KCTD16: variants seen among roughly 807,000 people sequenced by gnomAD.
The protein encoded by KCTD16 is potassium channel tetramerization domain containing 16, also known as BTB/POZ domain-containing protein KCTD16.
Under a neutral mutation model 33.2 loss-of-function variants are expected in KCTD16, and 13 were observed. The observed-to-expected ratio is 0.39, with a 90% CI of 0.25 to 0.62. KCTD16 has a LOEUF of 0.62. Among genes scored for constraint, KCTD16 ranks in the 20% least tolerant of loss-of-function variants. The pLI, the probability that KCTD16 is intolerant of heterozygous loss-of-function variation, is 0.50. For synonymous variants in KCTD16, 197 were observed against 195.3 expected (o/e 1.01, Z -0.07); for missense variants, 441 against 525.1 (o/e 0.84, Z 1.57).
At chr5:144,272,384 T>C (rs911787189) in intron 3 of KCTD16, among the ~76,000 whole-genome samples, 1 of 151,950 alleles carries the variant, frequency 6.6e-6, no homozygotes, top group African/African-American at 2.4e-5. Context: ...GAGCTGAGGT[T>C]GCACCATTGG....
Position 144,404,478 on chromosome 5 carries a change from G to A in KCTD16, c.833-69182G>A, listed in dbSNP as rs566504835. The stretch of plus-strand genomic sequence containing the variant: ...ATATGACTTGGTTGATAAGTATCCT[G>A]GTGATGGAAAATATCCCTCAATCAT... On this transcript the variant is annotated intron_variant, in intron 3 of 3. Coordinates refer to ENST00000512467, the MANE Select transcript of KCTD16 (RefSeq NM_020768.4). 1.5e-3 allele frequency among the ~76,000 whole-genome samples: 225 copies of A among 152,208 alleles called. 1 individual carries two copies. The highest frequency in any genetic ancestry group is 5.1e-3 in the African/African-American group (210 of 41,520).
rs1443386563 is a variant in KCTD16 at position 144,482,814 on chromosome 5, G to A, written c.*8700G>A. The A allele has an allele frequency of 6.6e-6, 1 of 151,372 alleles. No homozygotes were observed. The highest frequency in any genetic ancestry group is 1.5e-5 in the Non-Finnish European group (1 of 67,808). 9.4% of individuals were successfully genotyped at this position (151,372 alleles called of 1,614,324 possible). A position where few individuals can be genotyped will look rare whatever the true frequency, so the allele number is the denominator to read the frequency against. On this transcript the variant is annotated 3_prime_UTR_variant, in exon 4 of 4. Coordinates refer to ENST00000512467, the MANE Select transcript of KCTD16 (RefSeq NM_020768.4). Reference sequence around the variant, plus strand: ...GTGTATATATAAATATATATCTATAGCTGTACATATGTATACACCCATAAA... The same window carrying A: ...GTGTATATATAAATATATATCTATAACTGTACATATGTATACACCCATAAA...
intron 3 of KCTD16, among the ~76,000 whole-genome samples, chr5:144,256,750 G>A (rs972006470): frequency 6.6e-6 from 1 of 151,960 alleles, no homozygotes; most frequent in African/African-American, 2.4e-5. Flanking sequence ...AAGTTTGGGA[G>A]CCATTCATCA....
At chr5:144,466,317 A>G (rs1425045037) in intron 3 of KCTD16, among the ~76,000 whole-genome samples, 23 of 151,220 alleles carry the variant, frequency 1.5e-4, no homozygotes, top group Non-Finnish European at 2.9e-5. Flanking sequence ...GCCCTGGTAG[A>G]ACTAAATAAT....
Position 144,462,920 on chromosome 5 carries a change from T to G in KCTD16, c.833-10740T>G, listed in dbSNP as rs1206407393. Among the ~76,000 whole-genome samples, 5 of 152,190 alleles carry G rather than the reference T, an allele frequency of 3.3e-5. No homozygotes were observed. In the East Asian group the frequency reaches 9.6e-4, roughly 29 times the overall value. Reference sequence around the variant, plus strand: ...GGGTGTTTTTCCCAATCAGAGGGAATCAAGCAATCTTGTGAGGTTATGCAT... The same window carrying G: ...GGGTGTTTTTCCCAATCAGAGGGAAGCAAGCAATCTTGTGAGGTTATGCAT... On this transcript the variant is annotated intron_variant, in intron 3 of 3. Transcript: ENST00000512467.
At chr5:144,385,054 T>A (rs1752294843) in intron 3 of KCTD16, among the ~76,000 whole-genome samples, 2 of 152,222 alleles carry the variant, frequency 1.3e-5, no homozygotes, top group Non-Finnish European at 2.9e-5. Context: ...CTAAAGGGGA[T>A]AATGTCTGCA....
intron 3 of KCTD16, among the ~76,000 whole-genome samples, chr5:144,361,509 G>A (rs1045205031): frequency 6.6e-6 from 1 of 152,150 alleles, no homozygotes; most frequent in Non-Finnish European, 1.5e-5. Flanking sequence ...AAGTCTCCAT[G>A]ATTTCAGGAA....
At chr5:144,301,842 A>G (rs1751451983) in intron 3 of KCTD16, among the ~76,000 whole-genome samples, 1 of 152,168 alleles carries the variant, frequency 6.6e-6, no homozygotes, top group East Asian at 1.9e-4. Flanking sequence ...TACTTTTAGG[A>G]TTCATGAAAG....
intron 3 of KCTD16, among the ~76,000 whole-genome samples, chr5:144,228,884 ACATGTAGTAATATGT>A (rs1754013953): frequency 6.6e-6 from 1 of 152,250 alleles, no homozygotes; most frequent in Non-Finnish European, 1.5e-5. Flanking sequence ...GTAATATAGT[ACATGTAGTAATATGT>A]GTACATGCAT....
At chr5:144,466,645 T>G (rs1580986789) in intron 3 of KCTD16, among the ~76,000 whole-genome samples, 1 of 152,142 alleles carries the variant, frequency 6.6e-6, no homozygotes, top group Admixed American at 6.6e-5. Flanking sequence ...GTCCACTAAA[T>G]AAAAACCAGA....
intron 3 of KCTD16, among the ~76,000 whole-genome samples, chr5:144,461,509 C>G (rs1397176682): frequency 6.6e-6 from 1 of 152,196 alleles, no homozygotes; most frequent in Non-Finnish European, 1.5e-5. Flanking sequence ...CTTCTTCTTT[C>G]CATTTTCAGT....
At chr5:144,277,217 T>C (rs750441496) in intron 3 of KCTD16, among the ~76,000 whole-genome samples, 2 of 152,214 alleles carry the variant, frequency 1.3e-5, no homozygotes, top group African/African-American at 2.4e-5. Flanking sequence ...TGCTTTTTGG[T>C]GACCCTCCTA....
rs545745297 is a variant in KCTD16, at chr5:144,415,962, A to G, written c.833-57698A>G. Among the ~76,000 whole-genome samples the G allele has an allele frequency of 3.3e-3, 510 of 152,332 alleles. 3 individuals carry two copies. The highest frequency in any genetic ancestry group is 0.011 in the African/African-American group (456 of 41,580). Reference sequence around the variant, plus strand: ...GAAAAGAAATTGAATTTTCTTTTAGAAAGTTTCTGATTACACAGATAATCT... The same window carrying G: ...GAAAAGAAATTGAATTTTCTTTTAGGAAGTTTCTGATTACACAGATAATCT... On this transcript the variant is annotated intron_variant, in intron 3 of 3. Transcript: ENST00000512467.
rs550656419 is a variant in KCTD16 at position 144,437,680 on chromosome 5, C to T, written c.833-35980C>T. On this transcript the variant is annotated intron_variant, in intron 3 of 3. Transcript: ENST00000512467. ...GTACAGGTAGTAACTATTCAATATC[C>T]AGCCGTTGTTTTTCCTATTTTTTTA... Among the ~76,000 whole-genome samples the T allele has an allele frequency of 9.2e-5, 14 of 152,248 alleles. No individual in the cohort carries two copies. In the South Asian group the frequency reaches 1.2e-3, roughly 14 times the overall value.
At chr5:144,240,004 G>T (rs1049694513) in intron 3 of KCTD16, among the ~76,000 whole-genome samples, 11 of 152,150 alleles carry the variant, frequency 7.2e-5, no homozygotes, top group Non-Finnish European at 1.2e-4. Flanking sequence ...CATAGGCTAA[G>T]ATCTTTACCT....
At chr5:144,229,696 T>A (rs1294949419) in intron 3 of KCTD16, among the ~76,000 whole-genome samples, 1 of 152,198 alleles carries the variant, frequency 6.6e-6, no homozygotes, top group African/African-American at 2.4e-5. Flanking sequence ...ATCATCTCTC[T>A]TACCCACTGT....
At chr5:144,299,072 A>ATATTTT (rs1491103244) in intron 3 of KCTD16, among the ~76,000 whole-genome samples, 12 of 57,434 alleles carry the variant, frequency 2.1e-4, no homozygotes, top group Admixed American at 3.8e-4. Flanking sequence ...ATATATATAT[A>ATATTTT]TTTTTGTATA....
intron 3 of KCTD16, among the ~76,000 whole-genome samples, chr5:144,347,486 T>C (rs1027726803): frequency 2.6e-5 from 4 of 152,006 alleles, no homozygotes; most frequent in Non-Finnish European, 5.9e-5. Context: ...TCCCAGCTAC[T>C]TGGGAGGCTG....
intron 2 of KCTD16, among the ~76,000 whole-genome samples, chr5:144,203,425 A>G (rs1401887100): frequency 6.6e-6 from 1 of 152,142 alleles, no homozygotes; most frequent in African/African-American, 2.4e-5. Context: ...ATCTAAGGTT[A>G]AAATGAGGAT....
Sources: gnomAD v4.1 joint callset for allele counts (sites outside exome capture counted in the v4.1 genomes callset) on GRCh38, gnomAD v4.1.1 for gene constraint, MANE v1.5 for transcripts, NCBI Gene and HGNC (gene_info 2026-07-23, HGNC 2026-07-21) for gene names.